Variants in KIAA0825 observed in about 807,000 individuals in gnomAD.
The protein encoded by KIAA0825 is KIAA0825, also known as uncharacterized protein KIAA0825.
Under a neutral mutation model 147.6 loss-of-function variants are expected in KIAA0825, and 119 were observed. The ratio of observed to expected loss-of-function variants is 0.81; its 90% CI spans 0.69 to 0.94. The LOEUF (loss-of-function observed/expected upper bound fraction) is 0.94. Among genes scored for constraint, KIAA0825 ranks in the 40% least tolerant of loss-of-function variants. KIAA0825 has a pLI of 0.00. For missense variants in KIAA0825, 1,381 were observed against 1,472.7 expected (o/e 0.94, Z 1.02); for synonymous variants, 470 against 518.1 (o/e 0.91, Z 1.26).
intron 20 of KIAA0825, among the ~76,000 whole-genome samples, chr5:94,198,252 C>T (rs1258371841): frequency 6.6e-6 from 1 of 151,934 alleles, no homozygotes; most frequent in African/African-American, 2.4e-5. Context: ...TGATTTGGCT[C>T]TCAGCTTGGA....
At chr5:94,337,110 C>A (rs1292434730) in intron 20 of KIAA0825, among the ~76,000 whole-genome samples, 1 of 151,982 alleles carries the variant, frequency 6.6e-6, no homozygotes, top group East Asian at 1.9e-4. Context: ...ATCCGTGGTT[C>A]TTTAGGGCTG....
At chr5:94,190,491 A>ATTTTT (rs70975895) in intron 20 of KIAA0825, among the ~76,000 whole-genome samples, 21 of 106,298 alleles carry the variant, frequency 2.0e-4, no homozygotes, top group Admixed American at 4.1e-4. Flanking sequence ...ACGCCCAGCT[A>ATTTTT]TTTTTTTTTT....
intron 14 of KIAA0825, among the ~76,000 whole-genome samples, chr5:94,431,852 G>A (rs1033126824): frequency 5.9e-5 from 9 of 152,144 alleles, no homozygotes; most frequent in African/African-American, 1.4e-4. Context: ...CCCTGTGTTG[G>A]AGCATACTAT....
At chr5:94,418,351 C>T (rs376717304) in intron 14 of KIAA0825, among the ~76,000 whole-genome samples, 9 of 152,190 alleles carry the variant, frequency 5.9e-5, no homozygotes, top group African/African-American at 2.2e-4. Context: ...ATGTGGAGAA[C>T]ATTATTGGTT....
intron 9 of KIAA0825, 115 bp downstream of exon 9, chr5:94,471,348 CTTG>C: frequency 1.8e-6 from 2 of 1,086,556 alleles, no homozygotes; most frequent in East Asian, 5.2e-5. Context: ...AATAATTCAC[CTTG>C]TTAATTATTA....
chr5:94,154,177 A>G (rs993914669), intron 20 of KIAA0825, 53 bp from the exon 21 acceptor site: 19 of 1,088,234 alleles, frequency 1.7e-5, no homozygotes, highest in Non-Finnish European at 2.5e-5. Context: ...CCACAGGTCA[A>G]CACTCAGTTA....
chr5:94,341,816 A>G (rs1469884077), intron 20 of KIAA0825, among the ~76,000 whole-genome samples: 1 of 152,150 alleles, frequency 6.6e-6, no homozygotes, highest in Admixed American at 6.6e-5. Flanking sequence ...ATTTATTTCA[A>G]TAATCTGGAA....
chr5:94,489,887 C>CAAA (rs747717616), intron 5 of KIAA0825, among the ~76,000 whole-genome samples: 3 of 58,150 alleles, frequency 5.2e-5, no homozygotes, highest in East Asian at 5.9e-4. Flanking sequence ...GACTCTGTCT[C>CAAA]AAAAAAAAAA....
intron 1 of KIAA0825, among the ~76,000 whole-genome samples, chr5:94,590,359 AC>A: frequency 6.6e-6 from 1 of 152,296 alleles, no homozygotes; most frequent in Non-Finnish European, 1.5e-5. Flanking sequence ...TGTCTGGTAT[AC>A]AAGTCCTTAA....
intron 20 of KIAA0825, among the ~76,000 whole-genome samples, chr5:94,158,198 A>T (rs1767216953): frequency 6.6e-6 from 1 of 152,124 alleles, no homozygotes; most frequent in Non-Finnish European, 1.5e-5. Flanking sequence ...ACATTGGAAC[A>T]CAGGCCCCCT....
intron 5 of KIAA0825, chr5:94,519,758 C>A (rs890674813): frequency 1.1e-5 from 9 of 827,260 alleles, no homozygotes; most frequent in African/African-American, 1.9e-5. Context: ...TTCAAAAATT[C>A]TTTTTACCTA....
chr5:94,507,609 CAGTG>C (rs1307931634), intron 5 of KIAA0825, among the ~76,000 whole-genome samples: 1 of 151,656 alleles, frequency 6.6e-6, no homozygotes, highest in Non-Finnish European at 1.5e-5. Context: ...AATCTTGACT[CAGTG>C]ACCCAGTCAA....
chr5:94,372,626 G>C (rs529262801), intron 20 of KIAA0825, among the ~76,000 whole-genome samples: 1 of 152,182 alleles, frequency 6.6e-6, no homozygotes, highest in African/African-American at 2.4e-5. Flanking sequence ...GAGGAGGGGG[G>C]CCCTGGGCCC....
At chr5:94,411,343 T>G (rs1341311562) in intron 15 of KIAA0825, among the ~76,000 whole-genome samples, 1 of 152,152 alleles carries the variant, frequency 6.6e-6, no homozygotes, top group Non-Finnish European at 1.5e-5. Flanking sequence ...AAACCTATAG[T>G]GCCAAGTATC....
chr5:94,457,521 CA>C (rs1413815950), intron 12 of KIAA0825, among the ~76,000 whole-genome samples: 2 of 152,220 alleles, frequency 1.3e-5, no homozygotes, highest in Non-Finnish European at 1.5e-5. Flanking sequence ...CCTCCAGCCT[CA>C]ACTAGCTATG....
intron 20 of KIAA0825, among the ~76,000 whole-genome samples, chr5:94,161,575 C>A (rs760940432): frequency 7.2e-5 from 11 of 152,170 alleles, no homozygotes; most frequent in Non-Finnish European, 1.3e-4. Context: ...TAACCACATA[C>A]TGCTTTGTTA....
At chr5:94,156,226 A>C (rs1236455809) in intron 20 of KIAA0825, among the ~76,000 whole-genome samples, 1 of 152,162 alleles carries the variant, frequency 6.6e-6, no homozygotes, top group African/African-American at 2.4e-5. Flanking sequence ...CAGAATCTGG[A>C]ATCTGGGCTT....
At chr5:94,195,657 T>G (rs1771068963) in intron 20 of KIAA0825, among the ~76,000 whole-genome samples, 1 of 152,082 alleles carries the variant, frequency 6.6e-6, no homozygotes, top group Non-Finnish European at 1.5e-5. Flanking sequence ...AGAGCTCTTT[T>G]TTTTTTTAAA....
In KIAA0825 at chr5:94,440,101, A is replaced by G; in HGVS notation, c.2378T>C (p.Leu793Pro). 2.6e-6 allele frequency: 4 copies of G among 1,551,362 alleles called. No individual in the cohort carries two copies. Among genetic ancestry groups the G allele is most frequent in the Non-Finnish European group, 3.5e-6 (4 of 1,146,752 alleles). The part of the protein sequence containing the change: ...SLLRTPSAGG[L>P]KAEGQLKLLL... ...CAGTTTCAACTGACCCTCGGCTTTC[A>G]GTCCTCCAGCTGATGGAGTCCTTTC... Residue 793 changes from leucine (L) to proline (P), a missense_variant, in exon 14 of 21, where the codon CTG becomes CCG. Transcript: ENST00000682413.
Sources: gnomAD v4.1 joint callset for allele counts (sites outside exome capture counted in the v4.1 genomes callset) on GRCh38, gnomAD v4.1.1 for gene constraint, MANE v1.5 for transcripts, NCBI Gene and HGNC (gene_info 2026-07-23, HGNC 2026-07-21) for gene names.